The following STXBP5L variants were observed in gnomAD, a reference collection of about 807,000 sequenced individuals.
STXBP5L encodes the protein syntaxin-binding protein 5-like.
In STXBP5L, 65 loss-of-function variants were observed where a neutral mutation model predicts 144.5. The ratio of observed to expected loss-of-function variants is 0.45; its 90% CI spans 0.37 to 0.55. The LOEUF is 0.55. Ranked by LOEUF, STXBP5L falls within the 20% of genes least tolerant of loss-of-function variation. The pLI is 0.00. For synonymous variants in STXBP5L, 505 were observed against 469.6 expected (o/e 1.08, Z -0.97); for missense variants, 1,298 against 1,405.5 (o/e 0.92, Z 1.22).
intron 7 of STXBP5L, among the ~76,000 whole-genome samples, chr3:121,135,310 C>T (rs1172983299): frequency 2.6e-5 from 4 of 151,940 alleles, no homozygotes; most frequent in South Asian, 2.1e-4. Context: ...GGATATTAGC[C>T]CTTTGTCAGA....
intron 18 of STXBP5L, among the ~76,000 whole-genome samples, chr3:121,266,629 C>T (rs565558256): frequency 6.6e-6 from 1 of 152,146 alleles, no homozygotes; most frequent in African/African-American, 2.4e-5. Context: ...CTGGCCAGGG[C>T]AATCAGGCAA....
intron 3 of STXBP5L, among the ~76,000 whole-genome samples, chr3:121,015,815 G>T (rs951298838): frequency 6.6e-6 from 1 of 152,168 alleles, no homozygotes. Flanking sequence ...TGGCCTTCCT[G>T]TCTCATCAGA....
chr3:121,102,532 C>G (rs1018289105), intron 5 of STXBP5L, among the ~76,000 whole-genome samples: 9 of 151,896 alleles, frequency 5.9e-5, no homozygotes, highest in African/African-American at 2.2e-4. Context: ...AACTAGACCT[C>G]TACCATACAC....
intron 5 of STXBP5L, among the ~76,000 whole-genome samples, chr3:121,052,963 G>T (rs1261021343): frequency 6.6e-6 from 1 of 152,128 alleles, no homozygotes; most frequent in South Asian, 2.1e-4. Flanking sequence ...CAGACAAACA[G>T]AGAGCCAAAT....
chr3:121,212,818 T>C (rs1302477044), intron 10 of STXBP5L, among the ~76,000 whole-genome samples: 14 of 152,214 alleles, frequency 9.2e-5, no homozygotes, highest in Admixed American at 6.5e-4. Flanking sequence ...GTGGCCATTT[T>C]CGTGATATTG....
Position 121,379,380 on chromosome 3 carries a change from C to T in STXBP5L, c.2347+494C>T, listed in dbSNP as rs191529892. Among the ~76,000 whole-genome samples the T allele has an allele frequency of 2.0e-3, 308 of 151,596 alleles. 1 individual carries two copies. Among genetic ancestry groups the T allele is most frequent in the Non-Finnish European group, 3.3e-3 (226 of 67,908 alleles). On this transcript the variant is annotated intron_variant, in intron 21 of 26. Coordinates refer to ENST00000471454, the MANE Select transcript of STXBP5L (RefSeq NM_001308330.2). ...GCTTATTTATGGAATGAGTGTGGGG[C>T]GGTGGGGTAGGGGAGTAAATTACAA...
intron 19 of STXBP5L, among the ~76,000 whole-genome samples, chr3:121,297,172 C>T (rs1253996154): frequency 6.6e-6 from 1 of 150,380 alleles, no homozygotes; most frequent in African/African-American, 2.4e-5. Context: ...AGCTTAAATA[C>T]TTAGCAGAAT....
intron 3 of STXBP5L, among the ~76,000 whole-genome samples, chr3:121,001,848 G>A (rs1363628193): frequency 6.6e-6 from 1 of 152,170 alleles, no homozygotes; most frequent in Non-Finnish European, 1.5e-5. Flanking sequence ...CTCAGTGAGA[G>A]AAGCTCTTCC....
At chr3:121,045,376 A>G in intron 4 of STXBP5L, 59 bp from the exon 5 acceptor site, 1 of 1,491,842 alleles carries the variant, frequency 6.7e-7, no homozygotes, top group Middle Eastern at 1.8e-4. Flanking sequence ...CTTGTTTGTG[A>G]TTAAAAAAAC....
chr3:121,407,566 G>T lies in STXBP5L; in HGVS notation c.2911G>T (p.Ala971Ser). Residue 971 changes from alanine (A) to serine (S), a missense_variant, in exon 23 of 27, where the codon GCA becomes TCA. By Grantham distance (99) the Ala-to-Ser change is moderately conservative (BLOSUM62 1). Coordinates refer to ENST00000471454, the MANE Select transcript of STXBP5L (RefSeq NM_001308330.2). ...GGTCATGTGTAGCAGTGCCTGCTTG[G>T]CATGCTTTTGTGCTAACGGACATAT... ...VVVMCSSACL[A>S]CFCANGHIMI... 2.5e-6 allele frequency: 4 copies of T among 1,613,252 alleles called. No homozygotes were observed. In the South Asian group the frequency reaches 3.3e-5, roughly 13 times the overall value.
intron 5 of STXBP5L, among the ~76,000 whole-genome samples, chr3:121,071,977 T>G (rs1477146229): frequency 6.6e-6 from 1 of 152,358 alleles, no homozygotes; most frequent in Middle Eastern, 3.4e-3. Flanking sequence ...CTTTAACAGC[T>G]GTTTGAGTGT....
intron 5 of STXBP5L, among the ~76,000 whole-genome samples, chr3:121,103,410 C>G (rs552318409): frequency 1.5e-4 from 23 of 152,154 alleles, no homozygotes; most frequent in African/African-American, 5.5e-4. Context: ...AGCTGGAGGC[C>G]ATTATCTTAA....
chr3:121,253,555 G>A (rs921838766), intron 15 of STXBP5L, among the ~76,000 whole-genome samples: 8 of 145,780 alleles, frequency 5.5e-5, no homozygotes, highest in East Asian at 1.9e-4. Context: ...TCTAATCTCC[G>A]GATTTTATTC....
intron 9 of STXBP5L, among the ~76,000 whole-genome samples, chr3:121,179,282 A>G (rs1320413802): frequency 6.6e-6 from 1 of 152,170 alleles, no homozygotes; most frequent in Non-Finnish European, 1.5e-5. Flanking sequence ...AACATCAGGA[A>G]AAGCCAGTGC....
At chr3:121,403,757 A>T (rs1324212726) in intron 22 of STXBP5L, among the ~76,000 whole-genome samples, 1 of 152,182 alleles carries the variant, frequency 6.6e-6, no homozygotes, top group Non-Finnish European at 1.5e-5. Flanking sequence ...TTCTCAGGAA[A>T]CATCTTATTT....
intron 19 of STXBP5L, among the ~76,000 whole-genome samples, chr3:121,309,914 C>A (rs2043467782): frequency 6.6e-6 from 1 of 152,000 alleles, no homozygotes; most frequent in Admixed American, 6.6e-5. Flanking sequence ...ACTTCACTAC[C>A]TGATTTCAAG....
At chr3:121,082,617 A>T (rs749032588) in intron 5 of STXBP5L, among the ~76,000 whole-genome samples, 2 of 152,228 alleles carry the variant, frequency 1.3e-5, no homozygotes, top group Non-Finnish European at 2.9e-5. Flanking sequence ...CATGTTTTTT[A>T]AATGAAGTTT....
chr3:121,184,720 C>T (rs562295470), intron 9 of STXBP5L, among the ~76,000 whole-genome samples: 1 of 152,160 alleles, frequency 6.6e-6, no homozygotes, highest in Admixed American at 6.5e-5. Flanking sequence ...GAGAACACCA[C>T]AAAGATACTC....
intron 20 of STXBP5L, among the ~76,000 whole-genome samples, chr3:121,342,444 C>A (rs1258531415): frequency 1.3e-5 from 2 of 151,146 alleles, no homozygotes; most frequent in East Asian, 2.0e-4. Flanking sequence ...TGCGCTGCAC[C>A]CATTAACTCG....
Sources: allele counts gnomAD v4.1 joint callset (sites outside exome capture counted in the v4.1 genomes callset), GRCh38; gene constraint gnomAD v4.1.1; transcripts MANE v1.5; gene names NCBI Gene and HGNC (gene_info 2026-07-23, HGNC 2026-07-21).